Variants in ITSN1 observed in about 807,000 individuals in gnomAD.
ITSN1 encodes the protein intersectin 1.
A neutral mutation model predicts 239.8 loss-of-function variants in ITSN1; 58 were observed. The observed-to-expected ratio is 0.24, with a 90% CI of 0.20 to 0.30. The LOEUF (loss-of-function observed/expected upper bound fraction) is 0.30, where lower values mean the gene tolerates loss of function less well. ITSN1 is among the 10% of genes least tolerant of loss of function. The pLI is 1.00. For synonymous variants in ITSN1, 780 were observed against 770.8 expected, an observed-to-expected ratio of 1.01 and a Z score of -0.20; for missense variants, 1,558 against 2,103.3, an observed-to-expected ratio of 0.74 and a Z score of 5.07.
chr21:33,855,615 G>T (rs1465000647), intron 29 of ITSN1, among the ~76,000 whole-genome samples: 5 of 152,256 alleles, frequency 3.3e-5, no homozygotes, highest in Non-Finnish European at 7.3e-5. Context: ...TGTGTCTGGG[G>T]CAGGAGGCTC....
Position 33,822,926 on chromosome 21 carries a change from C to T in ITSN1, c.3017-561C>T, listed in dbSNP as rs531105557. ...TTCCTATCATATTGTGTATATGGCA[C>T]AATAGGACATAAGTTTTCAGGCACT... is the stretch of plus-strand genomic sequence containing the variant. On this transcript the variant is annotated intron_variant, in intron 24 of 39. Coordinates refer to ENST00000381318, the MANE Select transcript of ITSN1 (RefSeq NM_003024.3). Among the ~76,000 whole-genome samples, 16 of 152,244 alleles carry T rather than the reference C, an allele frequency of 1.1e-4. No homozygotes were observed. In the South Asian group the frequency reaches 3.3e-3, roughly 32 times the overall value.
At position 33,823,738 on chromosome 21, in the gene ITSN1, G is replaced by T. The variant is rs2073820892; in HGVS notation, c.3183+85G>T. The T allele has an allele frequency of 2.2e-6, 3 of 1,343,358 alleles. No homozygotes were observed. In the Admixed American group the frequency reaches 6.3e-5, roughly 28 times the overall value. The allele number at this position is 1,343,358 out of a possible 1,614,324, so 83.2% of individuals were successfully genotyped here. On this transcript the variant is annotated intron_variant, in intron 25 of 39. Coordinates refer to ENST00000381318, the MANE Select transcript of ITSN1 (RefSeq NM_003024.3). ...TCACGATGTTTGACAGCGGAACTTTGTTGGGTTTTGCTAAGTTCTGGAATG... is the reference window on the plus strand; with the variant it reads ...TCACGATGTTTGACAGCGGAACTTTTTTGGGTTTTGCTAAGTTCTGGAATG...
intron 1 of ITSN1, among the ~76,000 whole-genome samples, chr21:33,693,799 C>T (rs1028743031): frequency 6.6e-6 from 1 of 152,208 alleles, no homozygotes; most frequent in Non-Finnish European, 1.5e-5. Context: ...TGGGCTTTCA[C>T]AGTCCTGTGG....
intron 29 of ITSN1, among the ~76,000 whole-genome samples, chr21:33,840,880 G>A (rs2074799537): frequency 6.6e-6 from 1 of 152,168 alleles, no homozygotes; most frequent in African/African-American, 2.4e-5. Flanking sequence ...AGTGAACTTT[G>A]GGTACAGTTT....
At chr21:33,869,036 T>G (rs563945785) in intron 33 of ITSN1, among the ~76,000 whole-genome samples, 4 of 152,310 alleles carry the variant, frequency 2.6e-5, no homozygotes, top group African/African-American at 9.6e-5. Context: ...CCTTTCTCCC[T>G]TGACTCTTTC....
At chr21:33,860,655 C>T (rs1405986068) in intron 31 of ITSN1, among the ~76,000 whole-genome samples, 3 of 152,124 alleles carry the variant, frequency 2.0e-5, no homozygotes, top group South Asian at 2.1e-4. Context: ...GCTGAAGCAG[C>T]AAAGCTCAGA....
At chr21:33,808,781 C>T (rs994897955) in intron 20 of ITSN1, among the ~76,000 whole-genome samples, 5 of 152,138 alleles carry the variant, frequency 3.3e-5, no homozygotes, top group East Asian at 3.9e-4. Context: ...TAAATTGAGA[C>T]GGTCTAACTG....
In ITSN1 at chr21:33,865,865, G is replaced by T. The variant is rs1047589080; in HGVS notation, c.4074+531G>T. Among the ~76,000 whole-genome samples, 8 of 152,120 alleles carry T rather than the reference G, an allele frequency of 5.3e-5. No individual in the cohort carries two copies. The highest frequency in any genetic ancestry group is 8.8e-5 in the Non-Finnish European group (6 of 68,034). Reference sequence around the variant, plus strand: ...GGAGGTAGCAGGGATCTGGAGAGTTGGGAGTCCACCAGGGGATGTTTGGGG... The same window carrying T: ...GGAGGTAGCAGGGATCTGGAGAGTTTGGAGTCCACCAGGGGATGTTTGGGG... On this transcript the variant is annotated intron_variant, in intron 32 of 39. Transcript: ENST00000381318. This position sits in a 1 kb window ranked among gnomAD's most constrained non-coding sequence, Gnocchi z 4.4.
At chr21:33,742,765 T>G (rs1477653296) in intron 5 of ITSN1, among the ~76,000 whole-genome samples, 1 of 151,912 alleles carries the variant, frequency 6.6e-6, no homozygotes, top group South Asian at 2.1e-4. Context: ...CAGACAAAAG[T>G]AGGGGAGGAG....
intron 1 of ITSN1, among the ~76,000 whole-genome samples, chr21:33,704,106 A>C (rs2092142798): frequency 6.6e-6 from 1 of 152,164 alleles, no homozygotes; most frequent in South Asian, 2.1e-4. Context: ...GATTTCGTTC[A>C]CTTTTTTCTT....
At chr21:33,705,017 C>A (rs190906895) in intron 1 of ITSN1, among the ~76,000 whole-genome samples, 1 of 147,664 alleles carries the variant, frequency 6.8e-6, no homozygotes, top group Non-Finnish European at 1.5e-5. Context: ...AGGCTGAGGC[C>A]GGAGAATGGC....
rs762784689 is a variant in ITSN1 at position 33,892,322 on chromosome 21, CCTT to C, written c.*4026_*4028del. 5 of 152,228 alleles carry C rather than the reference CCTT, an allele frequency of 3.3e-5. No individual in the cohort carries two copies. The highest frequency in any genetic ancestry group is 7.2e-5 in the African/African-American group (3 of 41,450). 9.4% of individuals were successfully genotyped at this position (152,228 alleles called of 1,614,324 possible). ...GAGGCATTAGGGAAAACTAACACCT[CCTT>C]CTTTTTGCACCGTGGGGTGCTGAAA... On this transcript the variant is annotated 3_prime_UTR_variant, in exon 40 of 40. Coordinates refer to ENST00000381318, the MANE Select transcript of ITSN1 (RefSeq NM_003024.3).
chr21:33,723,147 A>T (rs1201106411), intron 4 of ITSN1, among the ~76,000 whole-genome samples: 1 of 152,270 alleles, frequency 6.6e-6, no homozygotes, highest in Non-Finnish European at 1.5e-5. Context: ...CACAGGAAAT[A>T]CAGAGAGTAT....
At chr21:33,832,339 A>G (rs562773777) in intron 27 of ITSN1, among the ~76,000 whole-genome samples, 1 of 152,190 alleles carries the variant, frequency 6.6e-6, no homozygotes, top group Non-Finnish European at 1.5e-5. Context: ...ACCACTCTTT[A>G]GTATTTTATA....
Position 33,898,938 on chromosome 21 carries a change from T to C in ITSN1, c.*10638T>C, listed in dbSNP as rs1986941082. The C allele has an allele frequency of 6.6e-6, 1 of 152,220 alleles. No individual in the cohort carries two copies. The highest frequency in any genetic ancestry group is 1.5e-5 in the Non-Finnish European group (1 of 68,038). 9.4% of individuals were successfully genotyped at this position (152,220 alleles called of 1,614,324 possible). A position where few individuals can be genotyped will look rare whatever the true frequency, so the allele number is the denominator to read the frequency against. ...TCACTTAGAGGCACTGTCCATGTGG[T>C]CCATAACTGGCTTTATTCCCAAAGA... On this transcript the variant is annotated 3_prime_UTR_variant, in exon 40 of 40. Transcript: ENST00000381318.
chr21:33,792,956 C>T lies in ITSN1; in HGVS notation c.1825-1385C>T, dbSNP rs78014651. The stretch of plus-strand genomic sequence containing the variant: ...TCCATTTTCCCCTTCCCCTTTTCCT[C>T]CAGTACCTTCCTCTTCCTAAGTACC... On this transcript the variant is annotated intron_variant, in intron 16 of 39. Transcript: ENST00000381318. Among the ~76,000 whole-genome samples the T allele has an allele frequency of 9.5e-3, 1,446 of 152,054 alleles. 9 individuals are homozygous for T. Among genetic ancestry groups the T allele is most frequent in the Non-Finnish European group, 0.016 (1,065 of 67,970 alleles).
intron 8 of ITSN1, among the ~76,000 whole-genome samples, chr21:33,759,942 A>G (rs2147618989): frequency 6.6e-6 from 1 of 152,204 alleles, no homozygotes; most frequent in Middle Eastern, 3.4e-3. Context: ...TCTACTAAAA[A>G]AAATAGAAAA....
intron 1 of ITSN1, among the ~76,000 whole-genome samples, chr21:33,697,175 C>T (rs962783121): frequency 6.6e-6 from 1 of 150,560 alleles, no homozygotes; most frequent in African/African-American, 2.4e-5. Context: ...CTCTAGCTCC[C>T]GAGTTGAAGC....
intron 1 of ITSN1, among the ~76,000 whole-genome samples, chr21:33,667,972 T>C (rs1042173790): frequency 6.6e-6 from 1 of 152,084 alleles, no homozygotes; most frequent in African/African-American, 2.4e-5. Context: ...GGAGCAAGGA[T>C]AGGAGGATGG....
Sources: gnomAD v4.1 joint callset for allele counts (sites outside exome capture counted in the v4.1 genomes callset) on GRCh38, gnomAD v4.1.1 for gene constraint, Gnocchi (gnomAD v3.1) non-coding constraint, MANE v1.5 for transcripts, NCBI Gene and HGNC (gene_info 2026-07-23, HGNC 2026-07-21) for gene names.